The following FUT8 variants were observed in gnomAD, a reference collection of about 807,000 sequenced individuals.
FUT8 encodes the protein alpha-(1,6)-fucosyltransferase.
In FUT8, 29 loss-of-function variants were observed where a neutral mutation model predicts 71.3. That is an observed-to-expected ratio of 0.41 (90% CI 0.30 to 0.55). FUT8 has a LOEUF of 0.55. Among genes scored for constraint, FUT8 ranks in the 20% least tolerant of loss-of-function variants. FUT8 has a pLI of 0.34. For missense variants in FUT8, 544 were observed against 702.1 expected (o/e 0.77, Z 2.55); for synonymous variants, 254 against 239.3 (o/e 1.06, Z -0.57).
chr14:65,359,242 C>T, the FUT8 span, among the ~76,000 whole-genome samples: 1 of 152,152 alleles, frequency 6.6e-6, no homozygotes, highest in Non-Finnish European at 1.5e-5. Context: ...AATCCCTGGG[C>T]TGCCCCAAGG....
rs1247682834 is a variant in FUT8, at chr14:65,472,646, T to C, written c.-228+16928T>C. Among the ~76,000 whole-genome samples, 2 of 152,152 alleles carry C rather than the reference T, an allele frequency of 1.3e-5. No individual in the cohort carries two copies. Among genetic ancestry groups the C allele is most frequent in the Non-Finnish European group, 2.9e-5 (2 of 68,004 alleles). ...TTACTAATTGCACTTCTGATAAGTATACTGATGATGCTGAGGATGGTTATT... is the reference window on the plus strand; with the variant it reads ...TTACTAATTGCACTTCTGATAAGTACACTGATGATGCTGAGGATGGTTATT... On this transcript the variant is annotated intron_variant, in intron 2 of 10. Transcript: ENST00000673929. This position sits in a 1 kb window ranked among gnomAD's most constrained non-coding sequence, Gnocchi z 4.4.
At chr14:65,629,829 T>TGC (rs1555377303) in intron 6 of FUT8, among the ~76,000 whole-genome samples, 2 of 147,996 alleles carry the variant, frequency 1.4e-5, no homozygotes, top group African/African-American at 2.5e-5. Flanking sequence ...CTTACACACG[T>TGC]ACACACACAC....
intron 7 of FUT8, among the ~76,000 whole-genome samples, chr14:65,710,260 T>C (rs978692983): frequency 6.6e-6 from 1 of 152,176 alleles, no homozygotes; most frequent in African/African-American, 2.4e-5. Context: ...ATACATATGG[T>C]ACATGGATAT....
chr14:65,742,185 C>T lies in FUT8; in HGVS notation c.1503C>T (p.Gly501=). 1 of 1,613,052 alleles carries T rather than the reference C, an allele frequency of 6.2e-7. No homozygotes were observed. Among genetic ancestry groups the T allele is most frequent in the Non-Finnish European group, 8.5e-7 (1 of 1,179,374 alleles). The change falls in exon 11 of 11, where the codon GGC becomes GGT. Residue 501 remains glycine, a synonymous_variant. Transcript: ENST00000673929. ...HSLDDIYYFG[G]QNAHNQIAIY... ...TAGATGACATCTACTATTTTGGGGG[C>T]CAGAATGCCCACAATCAAATTGCCA...
intron 2 of FUT8, among the ~76,000 whole-genome samples, chr14:65,485,373 A>G (rs978819755): frequency 3.9e-5 from 6 of 152,068 alleles, no homozygotes; most frequent in African/African-American, 1.4e-4. Context: ...TGTTCCGGAT[A>G]TGTAGTTATT....
intron 2 of FUT8, among the ~76,000 whole-genome samples, chr14:65,478,489 T>C (rs985516631): frequency 9.2e-5 from 14 of 152,166 alleles, no homozygotes; most frequent in Non-Finnish European, 1.5e-5. Flanking sequence ...TTCTGAATTC[T>C]TAAGTGTGAT....
chr14:65,464,783 C>T (rs2066017672), intron 2 of FUT8, among the ~76,000 whole-genome samples: 1 of 152,060 alleles, frequency 6.6e-6, no homozygotes, highest in Non-Finnish European at 1.5e-5. Context: ...AGATATTGTT[C>T]TGTAATTTTC....
chr14:65,512,254 C>T (rs1882398059), intron 2 of FUT8, among the ~76,000 whole-genome samples: 1 of 152,166 alleles, frequency 6.6e-6, no homozygotes, highest in Non-Finnish European at 1.5e-5. Context: ...ACCTGCGCCT[C>T]CTGGTTCAAG....
chr14:65,451,611 A>G (rs1438803274), intron 1 of FUT8, among the ~76,000 whole-genome samples: 1 of 152,196 alleles, frequency 6.6e-6, no homozygotes, highest in Non-Finnish European at 1.5e-5. Flanking sequence ...TCTGGCGCCC[A>G]GGAAAAATGA....
At chr14:65,661,901 A>G (rs1254417937) in intron 6 of FUT8, among the ~76,000 whole-genome samples, 2 of 152,182 alleles carry the variant, frequency 1.3e-5, no homozygotes, top group African/African-American at 2.4e-5. Context: ...AAAATATCTC[A>G]GCGTTATGAT....
chr14:65,541,014 TATG>T lies in FUT8; in HGVS notation c.-227-20320_-227-20318del, dbSNP rs201673876. Among the ~76,000 whole-genome samples the T allele has an allele frequency of 5.7e-3, 875 of 152,336 alleles. 32 individuals are homozygous for T. The East Asian group carries it at 0.093, about 16-fold the overall frequency. ...TGGAATATAGATTAATGGTTTTTCATATGATTCTTTGTTATGCCATTGTTAAAT... is the reference window on the plus strand; with the variant it reads ...TGGAATATAGATTAATGGTTTTTCATATTCTTTGTTATGCCATTGTTAAAT... On this transcript the variant is annotated intron_variant, in intron 2 of 10. Coordinates refer to ENST00000673929, the MANE Select transcript of FUT8 (RefSeq NM_001371533.1).
chr14:65,399,807 C>T, the FUT8 span, among the ~76,000 whole-genome samples: 1 of 152,170 alleles, frequency 6.6e-6, no homozygotes, highest in Non-Finnish European at 1.5e-5. Flanking sequence ...ATTTTAAAAA[C>T]AGCTATTTTA....
chr14:65,603,789 T>C lies in FUT8; in HGVS notation c.204-12189T>C, dbSNP rs1888431763. 6.6e-6 allele frequency among the ~76,000 whole-genome samples: 1 copy of C among 151,804 alleles called. No individual in the cohort carries two copies. The highest frequency in any genetic ancestry group is 1.5e-5 in the Non-Finnish European group (1 of 67,902). ...TAATGTTAATATTGAATGTAAGTGGTCTAAGTGCTCCACTTAAAAGGTACA... is the reference window on the plus strand; with the variant it reads ...TAATGTTAATATTGAATGTAAGTGGCCTAAGTGCTCCACTTAAAAGGTACA... On this transcript the variant is annotated intron_variant, in intron 3 of 10. Coordinates refer to ENST00000673929, the MANE Select transcript of FUT8 (RefSeq NM_001371533.1). This position sits in a 1 kb window ranked among gnomAD's most constrained non-coding sequence, Gnocchi z 4.5.
intron 3 of FUT8, among the ~76,000 whole-genome samples, chr14:65,602,455 A>G (rs1160046874): frequency 6.8e-6 from 1 of 147,314 alleles, no homozygotes; most frequent in African/African-American, 2.6e-5. Context: ...CATTTTTGCA[A>G]TTGCGAATTG....
chr14:65,377,256 C>G, the FUT8 span, among the ~76,000 whole-genome samples: 1 of 152,114 alleles, frequency 6.6e-6, no homozygotes, highest in Non-Finnish European at 1.5e-5. Flanking sequence ...ACAAAGGGTG[C>G]AGCTTTGATG....
chr14:65,406,664 T>C (rs539159516), upstream of FUT8, among the ~76,000 whole-genome samples: 1 of 152,274 alleles, frequency 6.6e-6, no homozygotes, highest in South Asian at 2.1e-4. Flanking sequence ...GCCTTCCAAG[T>C]AGCTGAGATT....
At chr14:65,566,291 T>C (rs1886190803) in intron 3 of FUT8, among the ~76,000 whole-genome samples, 1 of 151,986 alleles carries the variant, frequency 6.6e-6, no homozygotes, top group African/African-American at 2.4e-5. Flanking sequence ...ACAGTGTCAA[T>C]TCTGCCACAT....
At chr14:65,653,752 G>C (rs1476931733) in intron 6 of FUT8, among the ~76,000 whole-genome samples, 1 of 152,132 alleles carries the variant, frequency 6.6e-6, no homozygotes, top group Non-Finnish European at 1.5e-5. Context: ...TGCCCATTCT[G>C]GTCTCAAACT....
intron 3 of FUT8, among the ~76,000 whole-genome samples, chr14:65,604,573 A>G (rs1440246496): frequency 6.6e-6 from 1 of 151,902 alleles, no homozygotes; most frequent in African/African-American, 2.4e-5. Flanking sequence ...GATACAGCCT[A>G]TCAAAACCTC....
Sources: gnomAD v4.1 joint callset for allele counts (sites outside exome capture counted in the v4.1 genomes callset) on GRCh38, gnomAD v4.1.1 for gene constraint, Gnocchi (gnomAD v3.1) non-coding constraint, MANE v1.5 for transcripts, NCBI Gene and HGNC (gene_info 2026-07-23, HGNC 2026-07-21) for gene names.